ANO2: variants seen among roughly 807,000 people sequenced by gnomAD.
ANO2 encodes anoctamin-2.
A neutral mutation model predicts 124.2 loss-of-function variants in ANO2; 101 were observed. The ratio of observed to expected loss-of-function variants is 0.81; its 90% CI spans 0.69 to 0.96. ANO2 has a LOEUF of 0.96. Ranked by LOEUF, ANO2 falls within the 40% of genes least tolerant of loss-of-function variation. ANO2 has a pLI of 0.00. For synonymous variants in ANO2, 486 were observed against 482.5 expected (o/e 1.01, Z -0.09); for missense variants, 1,293 against 1,274.5 (o/e 1.01, Z -0.22).
intron 14 of ANO2, among the ~76,000 whole-genome samples, chr12:5,709,986 G>A (rs17723777): frequency 0.12 from 17,906 of 152,274 alleles, 1,158 homozygotes; most frequent in Middle Eastern, 0.2. Context: ...GGGTGAGTGA[G>A]CTGAGTTAGG....
chr12:5,923,769 AC>A (rs1237088245), intron 1 of ANO2, among the ~76,000 whole-genome samples: 1 of 152,096 alleles, frequency 6.6e-6, no homozygotes, highest in Non-Finnish European at 1.5e-5. Context: ...CTTTGTACAG[AC>A]CCCACTGGAA....
At chr12:5,771,994 C>A (rs1565657338) in intron 10 of ANO2, among the ~76,000 whole-genome samples, 1 of 152,120 alleles carries the variant, frequency 6.6e-6, no homozygotes, top group Non-Finnish European at 1.5e-5. Context: ...ATGTTCATGC[C>A]CCAGCTAGCC....
chr12:5,889,401 A>G (rs924044574), intron 3 of ANO2, among the ~76,000 whole-genome samples: 2 of 152,254 alleles, frequency 1.3e-5, no homozygotes, highest in Non-Finnish European at 2.9e-5. Context: ...TCTCAATTCC[A>G]CATGGCCCCT....
intron 3 of ANO2, among the ~76,000 whole-genome samples, chr12:5,914,281 G>C (rs1332472468): frequency 6.6e-6 from 1 of 152,122 alleles, no homozygotes; most frequent in African/African-American, 2.4e-5. Flanking sequence ...TCCCTGGGAG[G>C]GCACGATGTC....
intron 14 of ANO2, among the ~76,000 whole-genome samples, chr12:5,716,446 T>G (rs1033264878): frequency 2.0e-5 from 3 of 152,144 alleles, no homozygotes; most frequent in Non-Finnish European, 4.4e-5. Context: ...TCACTTCCCT[T>G]AAAATAACCC....
At chr12:5,764,115 C>T (rs924012096) in intron 10 of ANO2, among the ~76,000 whole-genome samples, 5 of 119,790 alleles carry the variant, frequency 4.2e-5, no homozygotes, top group Admixed American at 9.6e-5. Flanking sequence ...AGGTAACAAA[C>T]ACAAACTTCC....
chr12:5,769,991 T>C lies in ANO2; in HGVS notation c.1056-19021A>G, dbSNP rs1952023636. 6.6e-6 allele frequency among the ~76,000 whole-genome samples: 1 copy of C among 152,160 alleles called. No homozygotes were observed. The highest frequency in any genetic ancestry group is 2.4e-5 in the African/African-American group (1 of 41,444). ...TGTGTGGCAGCCCGAGAAGGAGAGA[T>C]ACTGTCTACATTTAATAGATGAGAG... On this transcript the variant is annotated intron_variant, in intron 10 of 24. Coordinates refer to ENST00000682330, the MANE Select transcript of ANO2 (RefSeq NM_001364791.2). This position sits in a 1 kb window ranked among gnomAD's most constrained non-coding sequence, Gnocchi z 4.0.
chr12:5,769,782 C>A lies in ANO2; in HGVS notation c.1056-18812G>T, dbSNP rs987606761. 1.3e-5 allele frequency among the ~76,000 whole-genome samples: 2 copies of A among 152,164 alleles called. No individual in the cohort carries two copies. The highest frequency in any genetic ancestry group is 2.9e-5 in the Non-Finnish European group (2 of 68,032). On this transcript the variant is annotated intron_variant, in intron 10 of 24. Coordinates refer to ENST00000682330, the MANE Select transcript of ANO2 (RefSeq NM_001364791.2). This position sits in a 1 kb window ranked among gnomAD's most constrained non-coding sequence, Gnocchi z 4.0. ...TTTTGCACGCATGATCCCTTAGGATCCTCACAAGAATCTAAGTGGATACAG... is the reference window on the plus strand; with the variant it reads ...TTTTGCACGCATGATCCCTTAGGATACTCACAAGAATCTAAGTGGATACAG...
At chr12:5,934,346 A>G (rs1422154196) in intron 1 of ANO2, among the ~76,000 whole-genome samples, 1 of 152,234 alleles carries the variant, frequency 6.6e-6, no homozygotes, top group Non-Finnish European at 1.5e-5. Flanking sequence ...CTGGCTGGAC[A>G]TTCTTAACAT....
At chr12:5,576,115 C>A in intron 22 of ANO2, 100 bp from the exon 23 acceptor site, 1 of 1,225,664 alleles carries the variant, frequency 8.2e-7, no homozygotes, top group Non-Finnish European at 1.1e-6. Context: ...CTGACTGATA[C>A]AGAAGCTCAT....
chr12:5,863,845 CATT>C (rs1436047139), intron 3 of ANO2, among the ~76,000 whole-genome samples: 4 of 151,998 alleles, frequency 2.6e-5, no homozygotes, highest in South Asian at 2.1e-4. Flanking sequence ...GTTAAATAAA[CATT>C]ATTTACTTAA....
At chr12:5,600,549 A>G (rs1943892024) in intron 19 of ANO2, among the ~76,000 whole-genome samples, 1 of 152,206 alleles carries the variant, frequency 6.6e-6, no homozygotes, top group African/African-American at 2.4e-5. Flanking sequence ...CCTTAGCACA[A>G]TATCTGGACA....
intron 14 of ANO2, among the ~76,000 whole-genome samples, chr12:5,652,572 G>A (rs376785598): frequency 9.9e-5 from 15 of 151,762 alleles, no homozygotes; most frequent in African/African-American, 3.1e-4. Flanking sequence ...TAGACTCCTC[G>A]AAGCTGTGAT....
Position 5,744,239 on chromosome 12 carries a change from G to A in ANO2, c.1269C>T (p.Ser423=). Residue 423 remains serine, a synonymous_variant, in exon 12 of 25, where the codon AGC becomes AGT. Coordinates refer to ENST00000682330, the MANE Select transcript of ANO2 (RefSeq NM_001364791.2). ...CDKSCDYWNL[S]SACGTAQASH... ...TGGCCTGCGCGGTCCCACAGGCTGAGCTGAGGTTCCAGTAATCACAGGACT... is the reference window on the plus strand; with the variant it reads ...TGGCCTGCGCGGTCCCACAGGCTGAACTGAGGTTCCAGTAATCACAGGACT... 1 of 1,612,804 alleles carries A rather than the reference G, an allele frequency of 6.2e-7. No individual in the cohort carries two copies. Among genetic ancestry groups the A allele is most frequent in the East Asian group, 2.2e-5 (1 of 44,868 alleles).
Position 5,769,063 on chromosome 12 carries a change from C to A in ANO2, c.1056-18093G>T, listed in dbSNP as rs1472484863. ...GTCCTGACAGCTGGAAACAACACAG[C>A]AAATGGGATGAGAACTGCTCAAAAA... On this transcript the variant is annotated intron_variant, in intron 10 of 24. Transcript: ENST00000682330. This position sits in a 1 kb window ranked among gnomAD's most constrained non-coding sequence, Gnocchi z 4.0. Among the ~76,000 whole-genome samples the A allele has an allele frequency of 2.6e-5, 4 of 152,240 alleles. No individual in the cohort carries two copies. The East Asian group carries it at 5.8e-4, about 22-fold the overall frequency.
At chr12:5,592,639 C>T (rs1227332035) in intron 20 of ANO2, among the ~76,000 whole-genome samples, 5 of 152,006 alleles carry the variant, frequency 3.3e-5, no homozygotes, top group African/African-American at 7.3e-5. Flanking sequence ...TTTTAAAAGC[C>T]GTTCTAAAAA....
At chr12:5,724,592 G>A (rs1202636663) in intron 14 of ANO2, among the ~76,000 whole-genome samples, 1 of 152,190 alleles carries the variant, frequency 6.6e-6, no homozygotes, top group Non-Finnish European at 1.5e-5. Context: ...TTTGTTTATT[G>A]TGCCTGCCAG....
chr12:5,852,257 G>A lies in ANO2; in HGVS notation c.633+1786C>T, dbSNP rs553347094. Among the ~76,000 whole-genome samples, 24 of 152,160 alleles carry A rather than the reference G, an allele frequency of 1.6e-4. No homozygotes were observed. In the South Asian group the frequency reaches 1.7e-3, roughly 11 times the overall value. On this transcript the variant is annotated intron_variant, in intron 4 of 24. Transcript: ENST00000682330. Reference sequence around the variant, plus strand: ...GATGGCACCCGCATTTGAGGGCTGCGGTATTAGGAGTGAGAGGACTGAAAC... The same window carrying A: ...GATGGCACCCGCATTTGAGGGCTGCAGTATTAGGAGTGAGAGGACTGAAAC...
intron 12 of ANO2, among the ~76,000 whole-genome samples, chr12:5,743,804 C>T (rs986657407): frequency 2.6e-5 from 4 of 152,054 alleles, no homozygotes; most frequent in Non-Finnish European, 4.4e-5. Context: ...AAGTATTGTG[C>T]TGCACGATAT....
Sources: allele counts gnomAD v4.1 joint callset (sites outside exome capture counted in the v4.1 genomes callset), GRCh38; gene constraint gnomAD v4.1.1; non-coding constraint Gnocchi (gnomAD v3.1); transcripts MANE v1.5; gene names NCBI Gene and HGNC (gene_info 2026-07-23, HGNC 2026-07-21).